Variants in TNRC6B observed in about 807,000 individuals in gnomAD.
TNRC6B encodes trinucleotide repeat-containing gene 6B protein.
In TNRC6B, 52 loss-of-function variants were observed where a neutral mutation model predicts 203.6. That is an observed-to-expected ratio of 0.26 (90% CI 0.20 to 0.32). TNRC6B has a LOEUF of 0.32. Ranked by LOEUF, TNRC6B falls within the 10% of genes least tolerant of loss-of-function variation. The pLI is 1.00. For missense variants in TNRC6B, 1,923 were observed against 2,286.2 expected (o/e 0.84, Z 3.24); for synonymous variants, 838 against 845.7 (o/e 0.99, Z 0.16).
At chr22:40,254,085 C>A (rs2070233295) in intron 3 of TNRC6B, among the ~76,000 whole-genome samples, 1 of 151,962 alleles carries the variant, frequency 6.6e-6, no homozygotes, top group African/African-American at 2.4e-5. Context: ...TGTGAGAATT[C>A]TGTGAGGAAT....
chr22:40,121,843 C>T (rs1386031070), intron 2 of TNRC6B, among the ~76,000 whole-genome samples: 2 of 152,228 alleles, frequency 1.3e-5, no homozygotes, highest in African/African-American at 4.8e-5. Context: ...TAACTACAGT[C>T]GCTGCTAAGG....
intron 11 of TNRC6B, among the ~76,000 whole-genome samples, chr22:40,282,321 G>A (rs2070729387): frequency 6.6e-6 from 1 of 152,146 alleles, no homozygotes; most frequent in Non-Finnish European, 1.5e-5. Context: ...TTAAAAAATG[G>A]ATTATACTAT....
chr22:40,105,832 T>C (rs1363186483), intron 1 of TNRC6B, among the ~76,000 whole-genome samples: 1 of 152,202 alleles, frequency 6.6e-6, no homozygotes, highest in African/African-American at 2.4e-5. Context: ...TGTCTTGAAC[T>C]TTAGCAGAAT....
intron 1 of TNRC6B, among the ~76,000 whole-genome samples, chr22:40,062,916 C>A (rs1174864354): frequency 6.6e-6 from 1 of 151,810 alleles, no homozygotes; most frequent in Non-Finnish European, 1.5e-5. Flanking sequence ...ATGCACTAAA[C>A]TTTTAATTTT....
At chr22:40,199,594 C>T (rs967382029) in intron 1 of TNRC6B, among the ~76,000 whole-genome samples, 8 of 152,064 alleles carry the variant, frequency 5.3e-5, no homozygotes, top group Non-Finnish European at 8.8e-5. Context: ...TGATTCTAAA[C>T]CGAAGGAGAC....
At chr22:40,123,651 G>A (rs2068463808) in intron 2 of TNRC6B, among the ~76,000 whole-genome samples, 1 of 152,218 alleles carries the variant, frequency 6.6e-6, no homozygotes, top group Admixed American at 6.5e-5. Flanking sequence ...ACCAGACCAA[G>A]GAGTGTGCTG....
intron 1 of TNRC6B, among the ~76,000 whole-genome samples, chr22:40,082,019 C>T (rs986020332): frequency 4.6e-5 from 7 of 151,866 alleles, no homozygotes; most frequent in Non-Finnish European, 8.8e-5. Context: ...AGCCGCAGTG[C>T]GAGGCCCTGG....
chr22:40,063,677 T>C (rs892041899), intron 1 of TNRC6B, among the ~76,000 whole-genome samples: 2 of 152,122 alleles, frequency 1.3e-5, no homozygotes, highest in Non-Finnish European at 2.9e-5. Context: ...TAGGTTTTTT[T>C]CTTTTTTCTT....
chr22:40,257,561 A>G (rs900416309), intron 3 of TNRC6B, among the ~76,000 whole-genome samples: 2 of 152,010 alleles, frequency 1.3e-5, no homozygotes, highest in African/African-American at 4.8e-5. Context: ...TACTAAAAAT[A>G]CAAAATTAGC....
intron 1 of TNRC6B, among the ~76,000 whole-genome samples, chr22:40,088,539 G>A (rs1414302221): frequency 6.6e-6 from 1 of 151,418 alleles, no homozygotes; most frequent in African/African-American, 2.4e-5. Flanking sequence ...AGCCTCCTGA[G>A]TAGCTGGGAT....
chr22:40,199,725 G>A (rs957701347), intron 1 of TNRC6B, among the ~76,000 whole-genome samples: 1 of 152,096 alleles, frequency 6.6e-6, no homozygotes, highest in African/African-American at 2.4e-5. Flanking sequence ...TGATAGAAAT[G>A]TATCAGCGTT....
chr22:40,112,935 A>G (rs2068352564), intron 1 of TNRC6B, among the ~76,000 whole-genome samples: 2 of 152,292 alleles, frequency 1.3e-5, no homozygotes, highest in African/African-American at 4.8e-5. Context: ...CCTGGTCAAC[A>G]TGGTGAAACC....
intron 16 of TNRC6B, among the ~76,000 whole-genome samples, 175 bp downstream of exon 16, chr22:40,308,824 C>A (rs1165280129): frequency 6.6e-6 from 1 of 152,210 alleles, no homozygotes; most frequent in Non-Finnish European, 1.5e-5. Flanking sequence ...ATATAAAGTA[C>A]TAGTTCTAAT....
Position 40,315,957 on chromosome 22 carries a change from ATGG to A in TNRC6B, c.4923_4925del (p.Gly1642del). 1 of 1,613,814 alleles carries A rather than the reference ATGG, an allele frequency of 6.2e-7. No individual in the cohort carries two copies. Among genetic ancestry groups the A allele is most frequent in the Non-Finnish European group, 8.5e-7 (1 of 1,179,832 alleles). On this transcript the variant is annotated inframe_deletion, in exon 21 of 23. Coordinates refer to ENST00000454349, the MANE Select transcript of TNRC6B (RefSeq NM_001162501.2). ...TTGCTCATAGCCTCTACCTGGAGTG[ATGG>A]TGGCTCAGTTCGTCCTAGTTACTGG...
At chr22:40,154,892 T>TATAC (rs796128106) in intron 3 of TNRC6B, among the ~76,000 whole-genome samples, 34 of 40,522 alleles carry the variant, frequency 8.4e-4, no homozygotes, top group Admixed American at 8.2e-4. Flanking sequence ...TATATATATA[T>TATAC]ATACATATAT....
chr22:40,250,308 A>T (rs1463666954), intron 2 of TNRC6B, among the ~76,000 whole-genome samples: 1 of 151,920 alleles, frequency 6.6e-6, no homozygotes. Context: ...GCCCTCCTTT[A>T]TTTTCCCCTC....
chr22:40,188,199 A>C (rs1472367704), intron 1 of TNRC6B, among the ~76,000 whole-genome samples: 1 of 152,158 alleles, frequency 6.6e-6, no homozygotes, highest in Non-Finnish European at 1.5e-5. Context: ...ACAGAGCAAC[A>C]CTGTGTCTCA....
At chr22:40,133,986 A>C (rs889680192) in intron 3 of TNRC6B, among the ~76,000 whole-genome samples, 7 of 151,338 alleles carry the variant, frequency 4.6e-5, no homozygotes, top group South Asian at 2.1e-4. Context: ...AAAAAAAAAA[A>C]AAAAAAAAAA....
intron 12 of TNRC6B, among the ~76,000 whole-genome samples, chr22:40,294,656 G>C (rs1170819767): frequency 6.6e-6 from 1 of 152,216 alleles, no homozygotes; most frequent in Non-Finnish European, 1.5e-5. Flanking sequence ...CTTGAGGTAT[G>C]GTGGGATAAG....
Sources: allele counts gnomAD v4.1 joint callset (sites outside exome capture counted in the v4.1 genomes callset), GRCh38; gene constraint gnomAD v4.1.1; transcripts MANE v1.5; gene names NCBI Gene and HGNC (gene_info 2026-07-23, HGNC 2026-07-21).